Variants in ACTR3C observed in about 807,000 individuals in gnomAD.
ACTR3C encodes actin-related protein 3C.
ACTR3C carries 18 observed loss-of-function variants against 26.3 expected under a neutral mutation model. That is an observed-to-expected ratio of 0.68 (90% CI 0.47 to 1.01). The LOEUF is 1.01. Ranked by LOEUF, ACTR3C falls within the 50% of genes least tolerant of loss-of-function variation. The probability of loss-of-function intolerance (pLI) is 0.00; values close to 1 mark genes in which losing one functional copy is unlikely to be tolerated. For synonymous variants in ACTR3C, 55 were observed against 94.5 expected (o/e 0.58, Z 2.42); for missense variants, 184 against 250.7 (o/e 0.73, Z 1.80).
At chr7:149,931,639 C>G in the ACTR3C span, among the ~76,000 whole-genome samples, 1 of 152,136 alleles carries the variant, frequency 6.6e-6, no homozygotes, top group Non-Finnish European at 1.5e-5. Flanking sequence ...AAAGTGTCAA[C>G]CTGGAGGAGT....
rs200924995 is a variant in ACTR3C at position 150,280,798 on chromosome 7, A to ATGTGTGTGTGTGTGTGTG, written c.564+3937_564+3954dup. On this transcript the variant is annotated intron_variant, in intron 6 of 7. Coordinates refer to ENST00000683684, the MANE Select transcript of ACTR3C (RefSeq NM_001164458.2). ...AATATGCACAATTTTCCTGCTCTTG[A>ATGTGTGTGTGTGTGTGTG]TGTGTGTGTGTGTGTGTGTGTATAT... 7.5e-5 allele frequency among the ~76,000 whole-genome samples: 11 copies of ATGTGTGTGTGTGTGTGTG among 147,484 alleles called. No homozygotes were observed. In the East Asian group the frequency reaches 1.8e-3, roughly 24 times the overall value.
In ACTR3C at chr7:150,289,587, C is replaced by T. The variant is rs763209924; in HGVS notation, c.160G>A (p.Gly54Ser). 1.9e-6 allele frequency: 3 copies of T among 1,570,312 alleles called. No individual in the cohort carries two copies. The East Asian group carries it at 6.8e-5, about 35-fold the overall frequency. Residue 54 changes from glycine (G) to serine (S), a missense_variant, in exon 4 of 8, where the codon GGT (glycine) becomes AGT (serine). Coordinates refer to ENST00000683684, the MANE Select transcript of ACTR3C (RefSeq NM_001164458.2). ...GVTHVIPVAEGYVIGSCIKHI... is the reference protein window; with the variant it reads ...GVTHVIPVAESYVIGSCIKHI... ...TTGATGCAGCTTCCAATTACATAAC[C>T]TTCTGCCTAGGGAAGAAGAGGAGGC...
chr7:150,272,118 G>A (rs1169925891), intron 6 of ACTR3C, among the ~76,000 whole-genome samples: 7 of 146,762 alleles, frequency 4.8e-5, no homozygotes, highest in African/African-American at 1.4e-4. Context: ...CCATGCCTAC[G>A]ACAAACCATT....
chr7:149,952,485 G>A, the ACTR3C span, among the ~76,000 whole-genome samples: 9 of 146,490 alleles, frequency 6.1e-5, no homozygotes, highest in East Asian at 1.9e-4. Flanking sequence ...TAAATAAAAC[G>A]GAAAGATTTT....
the ACTR3C span, among the ~76,000 whole-genome samples, chr7:150,121,968 A>T: frequency 6.6e-6 from 1 of 152,170 alleles, no homozygotes; most frequent in Non-Finnish European, 1.5e-5. Flanking sequence ...AACAAAAACA[A>T]GCAATGGGGA....
At chr7:150,005,609 GA>G in the ACTR3C span, among the ~76,000 whole-genome samples, 29 of 152,226 alleles carry the variant, frequency 1.9e-4, no homozygotes, top group East Asian at 5.6e-3. Flanking sequence ...GCCATGTGGT[GA>G]GGGGGGGAAG....
At chr7:150,094,867 C>A in the ACTR3C span, among the ~76,000 whole-genome samples, 5 of 150,518 alleles carry the variant, frequency 3.3e-5, no homozygotes, top group South Asian at 1.0e-3. Flanking sequence ...GCTCGTCCAA[C>A]CGGAAGGTGA....
the ACTR3C span, among the ~76,000 whole-genome samples, chr7:150,010,659 A>C: frequency 6.9e-6 from 1 of 144,348 alleles, no homozygotes; most frequent in Non-Finnish European, 1.5e-5. Flanking sequence ...GCGCCACTGC[A>C]CTCCAGCCTG....
the ACTR3C span, among the ~76,000 whole-genome samples, chr7:149,893,236 A>G: frequency 6.6e-6 from 1 of 152,030 alleles, no homozygotes. Flanking sequence ...TTCCTTGACA[A>G]CCTGCAGTTC....
the ACTR3C span, among the ~76,000 whole-genome samples, chr7:150,027,017 A>C: frequency 6.6e-6 from 1 of 151,948 alleles, no homozygotes; most frequent in Non-Finnish European, 1.5e-5. Flanking sequence ...TCTTCCATAT[A>C]ATTAATTTGT....
chr7:150,157,938 A>G, the ACTR3C span, among the ~76,000 whole-genome samples: 6 of 152,364 alleles, frequency 3.9e-5, 2 homozygotes, highest in African/African-American at 1.4e-4. Flanking sequence ...ACTTTAAGGC[A>G]CTAGAAAGCA....
chr7:149,904,355 T>C, the ACTR3C span, among the ~76,000 whole-genome samples: 26 of 146,768 alleles, frequency 1.8e-4, no homozygotes, highest in Middle Eastern at 8.1e-3. Context: ...CATAGTGAAA[T>C]CCCGTCTCTA....
the ACTR3C span, among the ~76,000 whole-genome samples, chr7:150,043,825 A>G: frequency 6.6e-6 from 1 of 152,258 alleles, no homozygotes; most frequent in Non-Finnish European, 1.5e-5. Flanking sequence ...GAGTATATAA[A>G]CATATTTGTA....
the ACTR3C span, among the ~76,000 whole-genome samples, chr7:149,896,049 A>G: frequency 1.3e-5 from 2 of 149,852 alleles, no homozygotes; most frequent in Non-Finnish European, 3.0e-5. Flanking sequence ...AAAAAAAAAA[A>G]AAAAAAACAC....
chr7:149,970,514 G>A, the ACTR3C span, among the ~76,000 whole-genome samples: 8 of 152,134 alleles, frequency 5.3e-5, no homozygotes, highest in East Asian at 9.6e-4. Flanking sequence ...TCCCTGTCTC[G>A]ACGTGAATGT....
intron 6 of ACTR3C, among the ~76,000 whole-genome samples, chr7:150,257,961 C>A (rs1377803638): frequency 6.6e-6 from 1 of 152,128 alleles, no homozygotes; most frequent in East Asian, 1.9e-4. Context: ...CCAGGAGAAG[C>A]CAGGTTCTGG....
At chr7:149,920,616 C>T in the ACTR3C span, among the ~76,000 whole-genome samples, 7,611 of 151,466 alleles carry the variant, frequency 0.05, 71 homozygotes, top group Middle Eastern at 0.056. Context: ...CCCAGTCCCC[C>T]TACATTCTTA....
intron 6 of ACTR3C, among the ~76,000 whole-genome samples, chr7:150,255,281 T>C (rs1436984111): frequency 1.3e-5 from 2 of 150,038 alleles, no homozygotes; most frequent in Non-Finnish European, 3.0e-5. Context: ...TTCGAGTTTT[T>C]CTCTTATGGA....
the ACTR3C span, among the ~76,000 whole-genome samples, chr7:149,889,116 A>G: frequency 6.6e-6 from 1 of 152,170 alleles, no homozygotes; most frequent in Non-Finnish European, 1.5e-5. Context: ...TATATCTGTC[A>G]AGACTTGTAT....
Sources: allele counts gnomAD v4.1 joint callset (sites outside exome capture counted in the v4.1 genomes callset), GRCh38; gene constraint gnomAD v4.1.1; transcripts MANE v1.5; gene names NCBI Gene and HGNC (gene_info 2026-07-23, HGNC 2026-07-21).